Variants in GRHPR observed in about 807,000 individuals in gnomAD.
GRHPR encodes the protein glyoxylate reductase/hydroxypyruvate reductase.
Under a neutral mutation model 36.8 loss-of-function variants are expected in GRHPR, and 35 were observed. The observed-to-expected ratio is 0.95, with a 90% confidence interval of 0.73 to 1.26. GRHPR has a LOEUF of 1.26. Among genes scored for constraint, GRHPR ranks in the 50% most tolerant of loss-of-function variants. The pLI, the probability that GRHPR is intolerant of heterozygous loss-of-function variation, is 0.00. For missense variants in GRHPR, 380 were observed against 435.0 expected, an observed-to-expected ratio of 0.87 and a Z score of 1.12; for synonymous variants, 179 against 181.0, an observed-to-expected ratio of 0.99 and a Z score of 0.09.
chr9:37,428,768 A>T, intron 5 of GRHPR, 196 bp downstream of exon 5: 1 of 693,908 alleles, frequency 1.4e-6, no homozygotes, highest in Non-Finnish European at 2.6e-6. Flanking sequence ...GGATTCCTTA[A>T]GAACTCACCA....
intron 3 of GRHPR, 199 bp from the exon 4 acceptor site, chr9:37,426,339 C>T: frequency 4.6e-6 from 3 of 647,122 alleles, no homozygotes; most frequent in Non-Finnish European, 8.4e-6. Flanking sequence ...CCCTGATCTT[C>T]CATCTTCATA....
intron 7 of GRHPR, chr9:37,431,683 T>G (rs971478482): frequency 5.8e-6 from 2 of 342,138 alleles, no homozygotes; most frequent in South Asian, 2.4e-5. Flanking sequence ...CAGTAGAGCA[T>G]GTAAGAAAGC....
chr9:37,433,504 G>C (rs767819440), intron 8 of GRHPR, among the ~76,000 whole-genome samples: 8 of 152,160 alleles, frequency 5.3e-5, no homozygotes, highest in Non-Finnish European at 7.4e-5. Flanking sequence ...AAAGTGCTGG[G>C]ATTACAGGCA....
At position 37,432,122 on chromosome 9, in the gene GRHPR, G is replaced by A; in HGVS notation, c.849G>A (p.Leu283=). ...CACTGCCTACAAACCACCCTCTCCT[G>A]ACCCTGAAGAACTGTGGTAAGAACT... The part of the protein sequence containing the change: ...PEPLPTNHPL[L]TLKNCVILPH... The change falls in exon 8 of 9, where the codon CTG becomes CTA. Residue 283 remains leucine (L), a synonymous_variant. Coordinates refer to ENST00000318158, the MANE Select transcript of GRHPR (RefSeq NM_012203.2). 1.2e-6 allele frequency: 2 copies of A among 1,614,048 alleles called. No individual in the cohort carries two copies. Among genetic ancestry groups the A allele is most frequent in the Non-Finnish European group, 1.7e-6 (2 of 1,179,920 alleles).
upstream of GRHPR, chr9:37,422,573 GAGCACGCAC>G (rs1247241429): frequency 7.7e-6 from 5 of 647,378 alleles, no homozygotes; most frequent in Middle Eastern, 4.1e-4. Flanking sequence ...GTCACTCCCC[GAGCACGCAC>G]AGTCACCGCT....
At chr9:37,428,232 C>T in intron 4 of GRHPR, 2 of 578,014 alleles carry the variant, frequency 3.5e-6, no homozygotes, top group East Asian at 2.9e-5. Flanking sequence ...TTTGTTTTCC[C>T]ATCTGCAAAA....
intron 8 of GRHPR, 75 bp downstream of exon 8, chr9:37,432,213 C>T (rs1295713983): frequency 6.8e-7 from 1 of 1,463,782 alleles, no homozygotes; most frequent in Non-Finnish European, 9.5e-7. Context: ...TCCCAAGGGG[C>T]CGGGTGTGGA....
intron 6 of GRHPR, chr9:37,430,119 G>A: frequency 1.8e-6 from 1 of 543,980 alleles, no homozygotes. Flanking sequence ...GGGGATGGTG[G>A]TGGGTGTGAG....
chr9:37,428,424 C>T, intron 4 of GRHPR, 60 bp from the exon 5 acceptor site: 1 of 1,109,638 alleles, frequency 9.0e-7, no homozygotes, highest in Non-Finnish European at 1.4e-6. Flanking sequence ...GCCGGGTTCT[C>T]AGCGGCCCCC....
At chr9:37,429,555 G>A in intron 5 of GRHPR, 177 bp from the exon 6 acceptor site, 2 of 693,786 alleles carry the variant, frequency 2.9e-6, no homozygotes, top group East Asian at 2.7e-5. Flanking sequence ...GGGCTGGCTG[G>A]GGGCTAGTTA....
At chr9:37,433,155 A>T (rs112684475) in intron 8 of GRHPR, among the ~76,000 whole-genome samples, 1 of 152,080 alleles carries the variant, frequency 6.6e-6, no homozygotes, top group Non-Finnish European at 1.5e-5. Flanking sequence ...GTGCCACCGA[A>T]GTCTGAGTTG....
Position 37,436,809 on chromosome 9 carries a change from A to T in GRHPR, c.*27A>T. The T allele has an allele frequency of 6.2e-7, 1 of 1,613,450 alleles. No individual in the cohort carries two copies. Reference sequence around the variant, plus strand: ...CAAACAGTAGAGATGGAGGGCCGGGAAGCAAACCGTGCCCTGGTATTGTCA... The same window carrying T: ...CAAACAGTAGAGATGGAGGGCCGGGTAGCAAACCGTGCCCTGGTATTGTCA... On this transcript the variant is annotated 3_prime_UTR_variant, in exon 9 of 9. Coordinates refer to ENST00000318158, the MANE Select transcript of GRHPR (RefSeq NM_012203.2).
intron 8 of GRHPR, chr9:37,434,423 G>A: frequency 1.8e-6 from 1 of 549,800 alleles, no homozygotes; most frequent in Non-Finnish European, 3.3e-6. Context: ...CAAGGGGTCA[G>A]ACTGTGTAGA....
downstream of GRHPR, chr9:37,438,437 T>C (rs1222335534): frequency 6.6e-6 from 1 of 152,500 alleles, no homozygotes; most frequent in African/African-American, 2.4e-5. Flanking sequence ...ACTGACAGAC[T>C]AAGAGGTAGA....
intron 1 of GRHPR, among the ~76,000 whole-genome samples, chr9:37,424,078 T>C (rs1284307194): frequency 2.0e-5 from 3 of 152,280 alleles, no homozygotes; most frequent in Admixed American, 6.5e-5. Context: ...TCTAGGGGCA[T>C]ATGAGATTTT....
chr9:37,428,284 T>C, intron 4 of GRHPR, 200 bp from the exon 5 acceptor site: 1 of 619,680 alleles, frequency 1.6e-6, no homozygotes, highest in South Asian at 1.8e-5. Flanking sequence ...CCTCAAGTTC[T>C]ATGTCTCTGG....
intron 8 of GRHPR, among the ~76,000 whole-genome samples, chr9:37,435,030 T>C (rs1001466433): frequency 3.9e-5 from 6 of 152,190 alleles, no homozygotes; most frequent in African/African-American, 1.2e-4. Flanking sequence ...GGCGGGAGGA[T>C]CACCTAAGAC....
chr9:37,425,862 A>C, intron 2 of GRHPR, 60 bp from the exon 3 acceptor site: 1 of 1,040,616 alleles, frequency 9.6e-7, no homozygotes. Flanking sequence ...GATAGTCCCC[A>C]GTGCTGTGGC....
At position 37,424,911 on chromosome 9, in the gene GRHPR, G is replaced by C; in HGVS notation, c.150G>C (p.Ala50=). ...IPAKELERGV[A]GAHGLLCLLS... is the part of the protein sequence containing the mutation. The stretch of plus-strand genomic sequence containing the variant: ...CCAAGGAGCTAGAGCGAGGTGTGGC[G>C]GGGGCCCACGGCCTGCTCTGCCTCC... Residue 50 remains alanine, a synonymous_variant, in exon 2 of 9, where the codon GCG becomes GCC. Coordinates refer to ENST00000318158, the MANE Select transcript of GRHPR (RefSeq NM_012203.2). The C allele has an allele frequency of 6.2e-7, 1 of 1,612,412 alleles. No individual in the cohort carries two copies. The highest frequency in any genetic ancestry group is 1.7e-5 in the Admixed American group (1 of 60,020).
Sources: gnomAD v4.1 joint callset for allele counts (sites outside exome capture counted in the v4.1 genomes callset) on GRCh38, gnomAD v4.1.1 for gene constraint, MANE v1.5 for transcripts, NCBI Gene and HGNC (gene_info 2026-07-23, HGNC 2026-07-21) for gene names.